SGCZ: variants seen among roughly 807,000 people sequenced by gnomAD.
SGCZ encodes the protein zeta-sarcoglycan.
Under a neutral mutation model 41.3 loss-of-function variants are expected in SGCZ, and 40 were observed. That is an observed-to-expected ratio of 0.97 (90% CI 0.75 to 1.26). The LOEUF is 1.26. SGCZ is among the 50% of genes most tolerant of loss of function. SGCZ has a pLI of 0.00. For synonymous variants in SGCZ, 206 were observed against 137.5 expected, an observed-to-expected ratio of 1.50 and a Z score of -3.49; for missense variants, 552 against 369.8, an observed-to-expected ratio of 1.49 and a Z score of -4.04.
chr8:14,374,757 G>A (rs575752908), intron 2 of SGCZ, among the ~76,000 whole-genome samples: 2 of 152,200 alleles, frequency 1.3e-5, no homozygotes, highest in South Asian at 2.1e-4. Flanking sequence ...AACGAGAGAA[G>A]GATAAGGCAA....
At chr8:14,870,394 C>G (rs1251816393) in intron 1 of SGCZ, among the ~76,000 whole-genome samples, 2 of 152,094 alleles carry the variant, frequency 1.3e-5, no homozygotes, top group Non-Finnish European at 2.9e-5. Context: ...ATGCAGAAAA[C>G]TAAAACTGGA....
chr8:14,300,993 C>G (rs148020747), intron 3 of SGCZ, among the ~76,000 whole-genome samples: 1 of 151,902 alleles, frequency 6.6e-6, no homozygotes, highest in Non-Finnish European at 1.5e-5. Flanking sequence ...AGCCAGAAAG[C>G]TCGTATATAT....
At chr8:14,851,990 GT>G (rs535893066) in intron 1 of SGCZ, among the ~76,000 whole-genome samples, 2 of 152,010 alleles carry the variant, frequency 1.3e-5, no homozygotes, top group Non-Finnish European at 2.9e-5. Context: ...TTTGACCTTT[GT>G]TTTTTTCCTT....
At chr8:15,232,085 T>C (rs1413739214) in intron 1 of SGCZ, among the ~76,000 whole-genome samples, 1 of 152,232 alleles carries the variant, frequency 6.6e-6, no homozygotes, top group East Asian at 1.9e-4. Context: ...CCAATTTAAA[T>C]GCATATTCTC....
At chr8:14,152,954 T>G (rs1336574578) in intron 5 of SGCZ, among the ~76,000 whole-genome samples, 1 of 152,148 alleles carries the variant, frequency 6.6e-6, no homozygotes, top group African/African-American at 2.4e-5. Context: ...TGATTCTGAA[T>G]ATAACATTCT....
intron 3 of SGCZ, among the ~76,000 whole-genome samples, chr8:14,258,885 C>A (rs935798618): frequency 2.0e-5 from 3 of 152,174 alleles, no homozygotes; most frequent in Admixed American, 6.5e-5. Flanking sequence ...ATGCTTGCAA[C>A]TAACTTCCAA....
intron 1 of SGCZ, among the ~76,000 whole-genome samples, chr8:14,908,990 C>T (rs1392192979): frequency 6.6e-6 from 1 of 152,104 alleles, no homozygotes; most frequent in Non-Finnish European, 1.5e-5. Context: ...TATTTCTCTC[C>T]TAACACCTGG....
chr8:14,863,516 A>G (rs565972649), intron 1 of SGCZ, among the ~76,000 whole-genome samples: 11 of 152,136 alleles, frequency 7.2e-5, no homozygotes, highest in African/African-American at 2.6e-4. Flanking sequence ...CTAGCGCTTT[A>G]ATTTCAAATA....
intron 1 of SGCZ, among the ~76,000 whole-genome samples, chr8:14,802,995 T>G (rs28470908): frequency 6.6e-6 from 1 of 152,092 alleles, no homozygotes; most frequent in Non-Finnish European, 1.5e-5. Context: ...GACTCTGCTG[T>G]CTTGCCCACT....
intron 1 of SGCZ, among the ~76,000 whole-genome samples, chr8:14,722,683 T>G (rs1177543112): frequency 6.6e-6 from 1 of 152,060 alleles, no homozygotes; most frequent in Non-Finnish European, 1.5e-5. Flanking sequence ...GGAAGACTAC[T>G]GAGATGATAA....
rs1585354286 is a variant in SGCZ at position 14,316,353 on chromosome 8, T to C, written c.336+7750A>G. On this transcript the variant is annotated intron_variant, in intron 3 of 7. Transcript: ENST00000382080. Reference sequence around the variant, plus strand: ...GAACAAGGAAAGTTCATCTCAATAATAAAAGAATACATCACCATTTGTATA... The same window carrying C: ...GAACAAGGAAAGTTCATCTCAATAACAAAAGAATACATCACCATTTGTATA... 2.0e-5 allele frequency among the ~76,000 whole-genome samples: 3 copies of C among 152,110 alleles called. No individual in the cohort carries two copies. The South Asian group carries it at 6.2e-4, about 32-fold the overall frequency.
intron 1 of SGCZ, among the ~76,000 whole-genome samples, chr8:14,588,436 T>C (rs1805132521): frequency 6.6e-6 from 1 of 152,158 alleles, no homozygotes; most frequent in South Asian, 2.1e-4. Flanking sequence ...AACTTTGATT[T>C]ATTTATTCAG....
At chr8:14,695,430 A>G (rs975724913) in intron 1 of SGCZ, among the ~76,000 whole-genome samples, 1 of 152,134 alleles carries the variant, frequency 6.6e-6, no homozygotes, top group Non-Finnish European at 1.5e-5. Context: ...ACTTTATCTC[A>G]TGTGTCCAAA....
At position 15,172,161 on chromosome 8, in the gene SGCZ, T is replaced by TTTTG. The variant is rs1224615110; in HGVS notation, c.39+65423_39+65424insCAAA. Among the ~76,000 whole-genome samples, 566 of 73,654 alleles carry TTTTG rather than the reference T, an allele frequency of 7.7e-3. 6 individuals are homozygous for TTTTG. The highest frequency in any genetic ancestry group is 0.019 in the African/African-American group (546 of 28,244). The allele number at this position is 73,654 out of a possible 152,430, so 48.3% of individuals were successfully genotyped here. ...AAATGCCTTTTATACTCTGTTTTTT[T>TTTTG]TTTTTTTTTTTTTTTTTTGAGACGG... On this transcript the variant is annotated intron_variant, in intron 1 of 7. Coordinates refer to ENST00000382080, the MANE Select transcript of SGCZ (RefSeq NM_139167.4).
intron 1 of SGCZ, among the ~76,000 whole-genome samples, chr8:14,620,472 C>G (rs1806248215): frequency 1.3e-5 from 2 of 151,898 alleles, no homozygotes; most frequent in Non-Finnish European, 2.9e-5. Context: ...TTCTGCACAG[C>G]AAAAGAAACT....
intron 1 of SGCZ, among the ~76,000 whole-genome samples, chr8:14,911,039 A>G (rs17601874): frequency 0.16 from 25,017 of 152,008 alleles, 2,294 homozygotes; most frequent in African/African-American, 0.24. Flanking sequence ...AATGTCATAT[A>G]TTAAAGGGAT....
intron 2 of SGCZ, among the ~76,000 whole-genome samples, chr8:14,474,516 C>A (rs1801304059): frequency 6.6e-6 from 1 of 152,094 alleles, no homozygotes; most frequent in Non-Finnish European, 1.5e-5. Context: ...ATAATTATTC[C>A]TCAATGTTTA....
chr8:14,465,676 G>A (rs1043910310), intron 2 of SGCZ, among the ~76,000 whole-genome samples: 28 of 151,162 alleles, frequency 1.9e-4, no homozygotes, highest in African/African-American at 6.1e-4. Flanking sequence ...CATTTTCTTT[G>A]TGGTTGCCAT....
rs1387138691 is a variant in SGCZ at position 14,466,904 on chromosome 8, C to G, written c.234+87828G>C. On this transcript the variant is annotated intron_variant, in intron 2 of 7. Transcript: ENST00000382080. ...TTTAATACTCTGAGCATCTTGAAGA[C>G]CAGTGTATTAAAATCTTTGTCTCGT... 2.6e-5 allele frequency among the ~76,000 whole-genome samples: 4 copies of G among 151,808 alleles called. No homozygotes were observed. In the East Asian group the frequency reaches 7.7e-4, roughly 29 times the overall value.
Sources: allele counts gnomAD v4.1 joint callset (sites outside exome capture counted in the v4.1 genomes callset), GRCh38; gene constraint gnomAD v4.1.1; transcripts MANE v1.5; gene names NCBI Gene and HGNC (gene_info 2026-07-23, HGNC 2026-07-21).